LIPT1: variants seen among roughly 807,000 people sequenced by gnomAD.
LIPT1 encodes the protein lipoyltransferase 1.
LIPT1 carries 22 observed loss-of-function variants against 25.1 expected under a neutral mutation model. The observed-to-expected ratio is 0.88, with a 90% CI of 0.63 to 1.25. The LOEUF (loss-of-function observed/expected upper bound fraction) is 1.25, where lower values mean the gene tolerates loss of function less well. Ranked by LOEUF, LIPT1 falls within the 50% of genes most tolerant of loss-of-function variation. The pLI is 0.00. For missense variants in LIPT1, 399 were observed against 432.8 expected, an observed-to-expected ratio of 0.92 and a Z score of 0.69; for synonymous variants, 131 against 150.8, an observed-to-expected ratio of 0.87 and a Z score of 0.96.
In LIPT1 at chr2:99,162,789, A is replaced by T. The variant is rs759310877; in HGVS notation, c.832A>T (p.Lys278Ter). ...GGAGTGGATATATGGCAAAACTCCA[A>T]AGTTTAGTATAAATACTTCCTTTCA... ...TWEWIYGKTPKFSINTSFHVL... is the reference protein window; with the variant it reads ...TWEWIYGKTP Residue 278 changes from lysine (K) to a stop codon, truncating the protein, a stop_gained, in exon 2 of 2, where the codon AAG (lysine) becomes TAG (stop). Coordinates refer to ENST00000651691, the MANE Select transcript of LIPT1 (RefSeq NM_145199.3). LOFTEE classifies it high-confidence loss of function. 5.0e-6 allele frequency: 8 copies of T among 1,614,072 alleles called. No individual in the cohort carries two copies. Among genetic ancestry groups the T allele is most frequent in the Non-Finnish European group, 5.9e-6 (7 of 1,180,010 alleles).
intron 1 of LIPT1, 159 bp downstream of exon 1, chr2:99,155,210 G>T: frequency 5.3e-6 from 2 of 378,470 alleles, no homozygotes; most frequent in Non-Finnish European, 1.1e-5. Flanking sequence ...TTTCTCCTCA[G>T]CACTTGGGAC....
chr2:99,155,098 C>T (rs1286802653), intron 1 of LIPT1, 47 bp downstream of exon 1: 2 of 453,486 alleles, frequency 4.4e-6, no homozygotes, highest in East Asian at 7.0e-5. Flanking sequence ...CGGGCCGTAG[C>T]GCGTGGGCGG....
At chr2:99,157,041 A>G (rs1166258914) in intron 1 of LIPT1, among the ~76,000 whole-genome samples, 2 of 152,206 alleles carry the variant, frequency 1.3e-5, no homozygotes, top group East Asian at 1.9e-4. Flanking sequence ...TCTCTCAACC[A>G]TTTTATGACG....
Position 99,162,867 on chromosome 2 carries a change from A to T in LIPT1, c.910A>T (p.Asn304Tyr), listed in dbSNP as rs2093807986. 1.2e-6 allele frequency: 2 copies of T among 1,612,764 alleles called. No homozygotes were observed. The highest frequency in any genetic ancestry group is 3.3e-5 in the Admixed American group (2 of 59,856). Reference protein sequence around the residue: ...LEIKVFIDIKNGRIEICNIEA... With the variant: ...LEIKVFIDIKYGRIEICNIEA... ...AATTAAAGTATTCATAGACATAAAG[A>T]ATGGAAGAATTGAAATTTGTAATAT... Residue 304 changes from asparagine to tyrosine, a missense_variant, in exon 2 of 2, where the codon AAT (asparagine) becomes TAT (tyrosine). Asn to Tyr is a moderately radical substitution (Grantham distance 143). Coordinates refer to ENST00000651691, the MANE Select transcript of LIPT1 (RefSeq NM_145199.3).
At chr2:99,160,308 T>G (rs1251429198) in intron 1 of LIPT1, among the ~76,000 whole-genome samples, 2 of 152,116 alleles carry the variant, frequency 1.3e-5, no homozygotes, top group African/African-American at 4.8e-5. Context: ...CTTCAGAGGC[T>G]GAGATGTGGA....
At chr2:99,157,227 A>G (rs956033503) in intron 1 of LIPT1, among the ~76,000 whole-genome samples, 1 of 152,200 alleles carries the variant, frequency 6.6e-6, no homozygotes, top group Admixed American at 6.5e-5. Context: ...AAGATCTTTG[A>G]CAATTTCCAT....
At chr2:99,157,504 C>T (rs540329103) in intron 1 of LIPT1, among the ~76,000 whole-genome samples, 1 of 152,186 alleles carries the variant, frequency 6.6e-6, no homozygotes, top group African/African-American at 2.4e-5. Context: ...TCATTGTATC[C>T]ACCTTGGGCC....
chr2:99,161,323 TATATATATATATATA>T (rs1229496635), intron 1 of LIPT1: 2 of 98,114 alleles, frequency 2.0e-5, no homozygotes, highest in African/African-American at 8.3e-5. Context: ...TATATATATA[TATATATATATATATA>T]GATTGAATGT....
rs1452193836 is a variant in LIPT1, at chr2:99,162,326, G to A, written c.369G>A (p.Lys123=). 1 of 1,610,422 alleles carries A rather than the reference G, an allele frequency of 6.2e-7. No individual in the cohort carries two copies. The part of the protein sequence containing the change: ...INLTFFTTKK[K]YDRMENLKLI... ...TGACTTTCTTTACAACCAAAAAAAA[G>A]TATGATAGAATGGAAAATCTGAAAT... Residue 123 remains lysine (K), a synonymous_variant, in exon 2 of 2, where the codon AAG becomes AAA. Coordinates refer to ENST00000651691, the MANE Select transcript of LIPT1 (RefSeq NM_145199.3).
At chr2:99,159,814 T>A (rs953504614) in intron 1 of LIPT1, among the ~76,000 whole-genome samples, 38 of 152,234 alleles carry the variant, frequency 2.5e-4, no homozygotes, top group Admixed American at 6.5e-4. Flanking sequence ...TAGGCTTAAG[T>A]GGAAGTCGAA....
chr2:99,161,083 G>A (rs2093783447), intron 1 of LIPT1, among the ~76,000 whole-genome samples: 1 of 150,788 alleles, frequency 6.6e-6, no homozygotes, highest in Non-Finnish European at 1.5e-5. Flanking sequence ...TGGCCAACAT[G>A]GTGAAACCCC....
At chr2:99,155,312 C>T (rs2093739883) in intron 1 of LIPT1, 2 of 370,558 alleles carry the variant, frequency 5.4e-6, no homozygotes, top group African/African-American at 2.1e-5. Context: ...GTGTGCACGC[C>T]CCCTGGGAGC....
chr2:99,157,109 G>A (rs2093761147), intron 1 of LIPT1, among the ~76,000 whole-genome samples: 2 of 152,178 alleles, frequency 1.3e-5, no homozygotes, highest in African/African-American at 4.8e-5. Flanking sequence ...ATTAGTAAGT[G>A]GCAGAGCCAG....
At chr2:99,160,134 T>C (rs1419772871) in intron 1 of LIPT1, among the ~76,000 whole-genome samples, 1 of 152,218 alleles carries the variant, frequency 6.6e-6, no homozygotes, top group Non-Finnish European at 1.5e-5. Context: ...GGGCCAGGTG[T>C]AGTGGCCCAT....
intron 1 of LIPT1, among the ~76,000 whole-genome samples, chr2:99,159,819 G>A (rs2093774797): frequency 1.3e-5 from 2 of 152,178 alleles, no homozygotes; most frequent in Non-Finnish European, 2.9e-5. Context: ...TTAAGTGGAA[G>A]TCGAAGACTA....
Position 99,162,129 on chromosome 2 carries a change from G to C in LIPT1, c.172G>C (p.Glu58Gln). The C allele has an allele frequency of 1.2e-6, 2 of 1,614,104 alleles. No individual in the cohort carries two copies. Among genetic ancestry groups the C allele is most frequent in the Non-Finnish European group, 1.7e-6 (2 of 1,180,008 alleles). ...CTGGATCCATGACCATATGAATCTAGAAGGCAAACCAATTCTATTCTTTTG... is the reference window on the plus strand; with the variant it reads ...CTGGATCCATGACCATATGAATCTACAAGGCAAACCAATTCTATTCTTTTG... ...EDWIHDHMNL[E>Q]GKPILFFWQN... Residue 58 changes from glutamate (E) to glutamine (Q), a missense_variant, in exon 2 of 2, where the codon GAA (glutamate) becomes CAA (glutamine). Physicochemically the swap from Glu to Gln is conservative, Grantham distance 29 (BLOSUM62 2). Transcript: ENST00000651691.
intron 1 of LIPT1, among the ~76,000 whole-genome samples, chr2:99,155,868 C>T (rs927376897): frequency 1.3e-5 from 2 of 152,228 alleles, no homozygotes; most frequent in African/African-American, 2.4e-5. Flanking sequence ...TTCCGTCAGA[C>T]GTTCATATCA....
chr2:99,159,749 G>C (rs1015335538), intron 1 of LIPT1, among the ~76,000 whole-genome samples: 2 of 152,144 alleles, frequency 1.3e-5, no homozygotes, highest in Admixed American at 6.5e-5. Flanking sequence ...AGAACAAAGA[G>C]GTTAACCAAA....
chr2:99,161,768 G>C (rs2093794858), intron 1 of LIPT1, 189 bp from the exon 2 acceptor site: 1 of 476,554 alleles, frequency 2.1e-6, no homozygotes, highest in Non-Finnish European at 3.7e-6. Context: ...TTTGAAATTT[G>C]TCTTCATTTA....
Sources: allele counts gnomAD v4.1 joint callset (sites outside exome capture counted in the v4.1 genomes callset), GRCh38; gene constraint gnomAD v4.1.1; transcripts MANE v1.5; gene names NCBI Gene and HGNC (gene_info 2026-07-23, HGNC 2026-07-21).